NUP35: variants seen among roughly 807,000 people sequenced by gnomAD.
NUP35 encodes nucleoporin 35, also known as nucleoporin NUP35.
A neutral mutation model predicts 41.5 loss-of-function variants in NUP35; 25 were observed. The observed-to-expected ratio is 0.60, with a 90% CI of 0.44 to 0.84. The LOEUF is 0.84. Ranked by LOEUF, NUP35 falls within the 40% of genes least tolerant of loss-of-function variation. The probability of loss-of-function intolerance (pLI) is 0.00; values close to 1 mark genes in which losing one functional copy is unlikely to be tolerated. For synonymous variants in NUP35, 149 were observed against 130.7 expected (o/e 1.14, Z -0.96); for missense variants, 396 against 396.6 (o/e 1.00, Z 0.01).
At chr2:183,150,002 G>A (rs1190275299) in intron 4 of NUP35, among the ~76,000 whole-genome samples, 1 of 152,100 alleles carries the variant, frequency 6.6e-6, no homozygotes, top group East Asian at 1.9e-4. Context: ...CGCCTCCCGG[G>A]TTCAAGCGAT....
At chr2:183,147,790 T>C (rs928758525) in intron 4 of NUP35, among the ~76,000 whole-genome samples, 4 of 152,242 alleles carry the variant, frequency 2.6e-5, no homozygotes, top group Admixed American at 2.0e-4. Flanking sequence ...ATGCTGATTC[T>C]TCTAATCTAT....
At chr2:183,133,677 CT>C in intron 4 of NUP35, 54 bp downstream of exon 4, 4 of 1,323,748 alleles carry the variant, frequency 3.0e-6, no homozygotes, top group Non-Finnish European at 4.1e-6. Context: ...TCTGGCTCTG[CT>C]ACCCACGCTG....
chr2:183,118,320 A>C (rs1472386729), intron 1 of NUP35: 1 of 152,220 alleles, frequency 6.6e-6, no homozygotes, highest in African/African-American at 2.4e-5. Context: ...TATTTCTAAA[A>C]TTGCAGTTTA....
chr2:183,122,504 A>G (rs999174648), upstream of NUP35, among the ~76,000 whole-genome samples: 1 of 152,198 alleles, frequency 6.6e-6, no homozygotes, highest in Non-Finnish European at 1.5e-5. Flanking sequence ...ATGTTTTCAA[A>G]TTACTTTTTT....
chr2:183,139,212 C>CT (rs199676886), intron 4 of NUP35, among the ~76,000 whole-genome samples: 6,655 of 65,626 alleles, frequency 0.1, 239 homozygotes, highest in South Asian at 0.23. Flanking sequence ...TTCTTTCTTT[C>CT]TTTTTTTTTT....
At chr2:183,128,218 G>A in intron 1 of NUP35, 69 bp from the exon 2 acceptor site, 1 of 1,269,940 alleles carries the variant, frequency 7.9e-7, no homozygotes, top group Non-Finnish European at 1.0e-6. Flanking sequence ...ATTCTTGCAT[G>A]TTTTTGTCAT....
At chr2:183,119,277 T>C (rs538333726) in intron 1 of NUP35, among the ~76,000 whole-genome samples, 1 of 152,322 alleles carries the variant, frequency 6.6e-6, no homozygotes, top group Non-Finnish European at 1.5e-5. Flanking sequence ...AGCTACCTAC[T>C]GTAACCATTT....
At chr2:183,155,892 T>C (rs1575136908) in intron 5 of NUP35, among the ~76,000 whole-genome samples, 1 of 152,320 alleles carries the variant, frequency 6.6e-6, no homozygotes, top group East Asian at 1.9e-4. Context: ...TTTATTTTTT[T>C]ACTTTCGTGT....
chr2:183,153,636 G>A (rs1685544843), intron 5 of NUP35, among the ~76,000 whole-genome samples: 1 of 152,140 alleles, frequency 6.6e-6, no homozygotes, highest in South Asian at 2.1e-4. Context: ...ATGGTCTTGG[G>A]CAGCTCCACC....
At chr2:183,138,261 A>AT (rs1378064730) in intron 4 of NUP35, among the ~76,000 whole-genome samples, 858 of 51,920 alleles carry the variant, frequency 0.017, 8 homozygotes, top group African/African-American at 0.05. Flanking sequence ...ATATATATAT[A>AT]TATATATATT....
At chr2:183,152,670 G>GTA (rs1685511767) in intron 5 of NUP35, among the ~76,000 whole-genome samples, 2 of 152,200 alleles carry the variant, frequency 1.3e-5, no homozygotes, top group South Asian at 4.1e-4. Flanking sequence ...CATTTTGTAT[G>GTA]TATATATATC....
At chr2:183,141,661 C>T (rs1033563878) in intron 4 of NUP35, among the ~76,000 whole-genome samples, 1 of 151,974 alleles carries the variant, frequency 6.6e-6, no homozygotes, top group Non-Finnish European at 1.5e-5. Context: ...TCTATTAAGT[C>T]TAATTTTCTA....
Position 183,158,378 on chromosome 2 carries a change from C to T in NUP35, c.705C>T (p.Ser235=). Residue 235 remains serine, a synonymous_variant, in exon 7 of 9, where the codon TCC becomes TCT. Coordinates refer to ENST00000295119, the MANE Select transcript of NUP35 (RefSeq NM_138285.5). ...AAGATGGGAGGATTTTTGGAGAATC[C>T]ATCATGATTGGTGTAAAACCATGTA... ...LSKDGRIFGE[S]IMIGVKPCID... The T allele has an allele frequency of 1.9e-6, 3 of 1,607,994 alleles. No homozygotes were observed. The highest frequency in any genetic ancestry group is 2.6e-6 in the Non-Finnish European group (3 of 1,176,220).
Position 183,158,524 on chromosome 2 carries a change from T to C in NUP35, c.738+113T>C, listed in dbSNP as rs911180286. ...TTTCACTGTGTCTGTTTTTCTTAGT[T>C]TGTAAAATGTGATGATGTTTATAGT... On this transcript the variant is annotated intron_variant, in intron 7 of 8. Transcript: ENST00000295119. 9.6e-6 allele frequency: 9 copies of C among 938,798 alleles called. No homozygotes were observed. The African/African-American group carries it at 1.3e-4, about 14-fold the overall frequency. 58.2% of individuals were successfully genotyped at this position (938,798 alleles called of 1,614,324 possible).
chr2:183,127,125 T>TA (rs1270117313), intron 1 of NUP35, among the ~76,000 whole-genome samples: 3 of 152,220 alleles, frequency 2.0e-5, no homozygotes, highest in Non-Finnish European at 4.4e-5. Flanking sequence ...TTCTGCTATT[T>TA]TGCTCTGAAA....
At position 183,133,960 on chromosome 2, in the gene NUP35, G is replaced by A. The variant is rs185596997; in HGVS notation, c.397+337G>A. On this transcript the variant is annotated intron_variant, in intron 4 of 8. Coordinates refer to ENST00000295119, the MANE Select transcript of NUP35 (RefSeq NM_138285.5). Reference sequence around the variant, plus strand: ...ATTGTATACTTAATAGATGTTTGAAGTATCTCCTTAGTTATTAAAACTTGT... The same window carrying A: ...ATTGTATACTTAATAGATGTTTGAAATATCTCCTTAGTTATTAAAACTTGT... Among the ~76,000 whole-genome samples the A allele has an allele frequency of 1.2e-4, 19 of 152,214 alleles. 1 individual carries two copies. The highest frequency in any genetic ancestry group is 2.5e-4 in the Non-Finnish European group (17 of 68,006).
chr2:183,138,300 T>C (rs995546326), intron 4 of NUP35, among the ~76,000 whole-genome samples: 36 of 143,782 alleles, frequency 2.5e-4, no homozygotes, highest in African/African-American at 9.2e-4. Flanking sequence ...CTGTATTTAG[T>C]GTTAAGTGAA....
intron 4 of NUP35, among the ~76,000 whole-genome samples, chr2:183,149,763 C>T (rs1205598819): frequency 9.9e-5 from 15 of 152,082 alleles, no homozygotes; most frequent in Admixed American, 9.8e-4. Flanking sequence ...ATTGGAATTC[C>T]AACTAACCTT....
chr2:183,144,128 C>T (rs546379990), intron 4 of NUP35, among the ~76,000 whole-genome samples: 1 of 152,278 alleles, frequency 6.6e-6, no homozygotes, highest in South Asian at 2.1e-4. Flanking sequence ...AAATTAGAGC[C>T]AGCCAAAGGA....
Sources: gnomAD v4.1 joint callset for allele counts (sites outside exome capture counted in the v4.1 genomes callset) on GRCh38, gnomAD v4.1.1 for gene constraint, MANE v1.5 for transcripts, NCBI Gene and HGNC (gene_info 2026-07-23, HGNC 2026-07-21) for gene names.